Variants in LRRC4C observed in about 807,000 individuals in gnomAD.
The protein encoded by LRRC4C is leucine-rich repeat-containing protein 4C.
LRRC4C carries 5 observed loss-of-function variants against 33.6 expected under a neutral mutation model. The observed-to-expected ratio is 0.15, with a 90% CI of 0.08 to 0.31. The LOEUF (loss-of-function observed/expected upper bound fraction) is 0.31. Among genes scored for constraint, LRRC4C ranks in the 10% least tolerant of loss-of-function variants. The pLI is 1.00. For missense variants in LRRC4C, 560 were observed against 796.7 expected, an observed-to-expected ratio of 0.70 and a Z score of 3.58; for synonymous variants, 329 against 302.0, an observed-to-expected ratio of 1.09 and a Z score of -0.93.
chr11:40,364,231 A>C (rs1332950440), intron 3 of LRRC4C, among the ~76,000 whole-genome samples: 1 of 152,170 alleles, frequency 6.6e-6, no homozygotes, highest in Non-Finnish European at 1.5e-5. Flanking sequence ...AACTGAAGAA[A>C]TCTAAAACAA....
At chr11:41,314,634 C>T (rs547949513) in intron 1 of LRRC4C, among the ~76,000 whole-genome samples, 2 of 152,182 alleles carry the variant, frequency 1.3e-5, no homozygotes, top group South Asian at 4.2e-4. Context: ...GAACATCACA[C>T]ACCAGGGCCT....
At chr11:40,865,688 G>T (rs1954329087) in intron 2 of LRRC4C, among the ~76,000 whole-genome samples, 1 of 151,760 alleles carries the variant, frequency 6.6e-6, no homozygotes, top group Admixed American at 6.6e-5. Context: ...ACACACCTCA[G>T]TTCTAATCTA....
intron 4 of LRRC4C, among the ~76,000 whole-genome samples, chr11:40,254,162 A>G (rs937491998): frequency 2.6e-5 from 4 of 152,364 alleles, no homozygotes; most frequent in East Asian, 3.9e-4. Context: ...GGCAATGCCA[A>G]TAAAGCTCCA....
chr11:41,060,527 T>C (rs1319126577), intron 1 of LRRC4C, among the ~76,000 whole-genome samples: 1 of 152,170 alleles, frequency 6.6e-6, no homozygotes, highest in Non-Finnish European at 1.5e-5. Flanking sequence ...TTTCTAGGTG[T>C]ACGCATATGG....
intron 3 of LRRC4C, among the ~76,000 whole-genome samples, chr11:40,523,293 A>C (rs1955900024): frequency 6.6e-6 from 1 of 151,806 alleles, no homozygotes; most frequent in South Asian, 2.1e-4. Flanking sequence ...GGTGTTGAGC[A>C]TTTTTTTGTA....
At chr11:40,800,738 G>T (rs1474974771) in intron 2 of LRRC4C, among the ~76,000 whole-genome samples, 4 of 151,906 alleles carry the variant, frequency 2.6e-5, no homozygotes, top group African/African-American at 9.7e-5. Flanking sequence ...GATCATCTAG[G>T]CAGTGTATTT....
intron 3 of LRRC4C, among the ~76,000 whole-genome samples, chr11:40,397,754 C>G (rs777465190): frequency 6.6e-6 from 1 of 151,818 alleles, no homozygotes; most frequent in African/African-American, 2.4e-5. Context: ...ACCAGTATGG[C>G]GGAAGGCATA....
In LRRC4C at chr11:40,561,132, G is replaced by A. The variant is rs117212810; in HGVS notation, c.-270+87010C>T. Among the ~76,000 whole-genome samples the A allele has an allele frequency of 3.4e-3, 517 of 152,172 alleles. 2 individuals carry two copies. The highest frequency in any genetic ancestry group is 5.6e-3 in the Admixed American group (85 of 15,288). ...GGAAAATAATGTGTCTTCCTTCTGCGTTCCCCGGGTTGCTCAGCACAATGC... is the reference window on the plus strand; with the variant it reads ...GGAAAATAATGTGTCTTCCTTCTGCATTCCCCGGGTTGCTCAGCACAATGC... On this transcript the variant is annotated intron_variant, in intron 3 of 6. Coordinates refer to ENST00000528697, the MANE Select transcript of LRRC4C (RefSeq NM_001258419.2).
At chr11:41,194,543 T>C (rs1946100218) in intron 1 of LRRC4C, among the ~76,000 whole-genome samples, 1 of 152,122 alleles carries the variant, frequency 6.6e-6, no homozygotes, top group Admixed American at 6.6e-5. Flanking sequence ...CCTTGTTGGC[T>C]TCGAGGAATC....
intron 2 of LRRC4C, among the ~76,000 whole-genome samples, chr11:40,821,162 T>C (rs780678348): frequency 5.9e-5 from 9 of 151,802 alleles, no homozygotes; most frequent in Non-Finnish European, 8.9e-5. Flanking sequence ...TTTATATAAA[T>C]GGAGATGTAT....
rs1961215343 is a variant in LRRC4C at position 40,611,534 on chromosome 11, T to C, written c.-270+36608A>G. Among the ~76,000 whole-genome samples, 3 of 151,660 alleles carry C rather than the reference T, an allele frequency of 2.0e-5. No homozygotes were observed. In the South Asian group the frequency reaches 6.2e-4, roughly 31 times the overall value. ...GAAAAATGAGACTATATCAAACTAA[T>C]CGCTTCTGCACAGCAAAGAAATAAT... is the stretch of plus-strand genomic sequence containing the variant. On this transcript the variant is annotated intron_variant, in intron 3 of 6. Transcript: ENST00000528697.
chr11:41,381,626 CAAAAAA>C (rs71931237), intron 1 of LRRC4C, among the ~76,000 whole-genome samples: 33,274 of 133,744 alleles, frequency 0.25, 3,982 homozygotes, highest in African/African-American at 0.32. Context: ...GACTCTGCTT[CAAAAAA>C]AAAAAAAGAA....
intron 1 of LRRC4C, among the ~76,000 whole-genome samples, chr11:41,192,409 A>ACG: frequency 6.6e-6 from 1 of 151,632 alleles, no homozygotes; most frequent in South Asian, 2.1e-4. Flanking sequence ...ACACACACAC[A>ACG]CACACACACA....
At chr11:40,522,625 T>C (rs140663569) in intron 3 of LRRC4C, among the ~76,000 whole-genome samples, 13 of 152,308 alleles carry the variant, frequency 8.5e-5, no homozygotes, top group Non-Finnish European at 1.3e-4. Context: ...ATTTAAATTT[T>C]ATTTAATTTC....
intron 1 of LRRC4C, among the ~76,000 whole-genome samples, chr11:40,984,657 T>C (rs1041588951): frequency 2.0e-5 from 3 of 152,076 alleles, no homozygotes; most frequent in Non-Finnish European, 4.4e-5. Flanking sequence ...AATTACAATA[T>C]TGCTACAATT....
intron 2 of LRRC4C, among the ~76,000 whole-genome samples, chr11:40,678,018 C>A (rs1944491121): frequency 6.6e-6 from 1 of 151,968 alleles, no homozygotes; most frequent in Non-Finnish European, 1.5e-5. Flanking sequence ...CTTAAGAGTA[C>A]CAATGTCTTC....
At chr11:41,347,131 C>T (rs1951828617) in intron 1 of LRRC4C, among the ~76,000 whole-genome samples, 1 of 152,178 alleles carries the variant, frequency 6.6e-6, no homozygotes, top group Non-Finnish European at 1.5e-5. Context: ...TTACACCTTA[C>T]CTTCCACACG....
intron 2 of LRRC4C, among the ~76,000 whole-genome samples, chr11:40,717,378 A>T (rs924863524): frequency 1.1e-4 from 17 of 151,826 alleles, no homozygotes; most frequent in African/African-American, 4.1e-4. Flanking sequence ...AAGTCTTTTG[A>T]GTCTTTTGAA....
intron 5 of LRRC4C, among the ~76,000 whole-genome samples, chr11:40,197,114 C>A (rs1481636706): frequency 6.6e-6 from 1 of 152,182 alleles, no homozygotes; most frequent in African/African-American, 2.4e-5. Flanking sequence ...ATTAGCTTCA[C>A]TCAGAAATAC....
Sources: gnomAD v4.1 joint callset for allele counts (sites outside exome capture counted in the v4.1 genomes callset) on GRCh38, gnomAD v4.1.1 for gene constraint, MANE v1.5 for transcripts, NCBI Gene and HGNC (gene_info 2026-07-23, HGNC 2026-07-21) for gene names.